Variants in ZNF839 observed in about 807,000 individuals in gnomAD.
ZNF839 encodes renal carcinoma antigen NY-REN-50.
In ZNF839, 38 loss-of-function variants were observed where a neutral mutation model predicts 56.4. The observed-to-expected ratio is 0.67, with a 90% confidence interval of 0.52 to 0.88. The LOEUF is 0.88. Among genes scored for constraint, ZNF839 ranks in the 40% least tolerant of loss-of-function variants. ZNF839 has a pLI of 0.00. For missense variants in ZNF839, 1,091 were observed against 1,177.6 expected, an observed-to-expected ratio of 0.93 and a Z score of 1.08; for synonymous variants, 486 against 493.5, an observed-to-expected ratio of 0.98 and a Z score of 0.20.
chr14:102,336,577 G>T (rs1885741140), intron 5 of ZNF839: 7 of 417,664 alleles, frequency 1.7e-5, no homozygotes, highest in South Asian at 1.2e-4. Flanking sequence ...TTACAGGTGT[G>T]AGCCACCACA....
Position 102,326,055 on chromosome 14 carries a change from C to T in ZNF839, c.359C>T (p.Pro120Leu), listed in dbSNP as rs773389820. 23 of 1,613,484 alleles carry T rather than the reference C, an allele frequency of 1.4e-5. No homozygotes were observed. In the Admixed American group the frequency reaches 1.5e-4, roughly 11 times the overall value. Reference sequence around the variant, plus strand: ...GGTCAGGAAAGGCCAATGCTCCTACCGACCACAATCCAGCCCCAAACTGCA... The same window carrying T: ...GGTCAGGAAAGGCCAATGCTCCTACTGACCACAATCCAGCCCCAAACTGCA... Reference protein sequence around the residue: ...TKGQERPMLLPTTIQPQTARK... With the variant: ...TKGQERPMLLLTTIQPQTARK... The change falls in exon 2 of 8, where the codon CCG (proline) becomes CTG (leucine). Residue 120 changes from proline (P) to leucine (L), a missense_variant. By Grantham distance (98) the Pro-to-Leu change is moderately conservative. This residue lies in a region of ZNF839 where 614 missense variants were observed against 629.2 expected (regional missense o/e 0.98). Coordinates refer to ENST00000442396, the MANE Select transcript of ZNF839 (RefSeq NM_018335.6). This position sits in a 1 kb window ranked among gnomAD's most constrained non-coding sequence, Gnocchi z 4.3.
At chr14:102,339,895 A>C (rs1318601389) in intron 7 of ZNF839, among the ~76,000 whole-genome samples, 1 of 152,202 alleles carries the variant, frequency 6.6e-6, no homozygotes, top group Non-Finnish European at 1.5e-5. Flanking sequence ...GAGATTTAAC[A>C]TTTGAAAACA....
At chr14:102,319,720 A>G (rs1225743485), upstream of ZNF839, 6 of 1,224,896 alleles carry the variant, frequency 4.9e-6, no homozygotes, top group Non-Finnish European at 6.1e-6. This position sits in a 1 kb window ranked among gnomAD's most constrained non-coding sequence, Gnocchi z 4.5. Flanking sequence ...TACATTGGAG[A>G]CGCCGTCGCT....
chr14:102,334,717 A>C, intron 4 of ZNF839, 71 bp downstream of exon 4: 3 of 812,092 alleles, frequency 3.7e-6, no homozygotes, highest in Non-Finnish European at 5.3e-6. Context: ...ATTATTATTT[A>C]TTAATTATTT....
chr14:102,320,963 C>T (rs931655130), intron 1 of ZNF839, among the ~76,000 whole-genome samples: 1 of 152,232 alleles, frequency 6.6e-6, no homozygotes, highest in African/African-American at 2.4e-5. Flanking sequence ...GCTTTTTCCA[C>T]TAGAAGAAAC....
rs753194427 is a variant in ZNF839, at chr14:102,326,077, T to C, written c.381T>C (p.Thr127=). The C allele has an allele frequency of 6.2e-7, 1 of 1,613,688 alleles. No homozygotes were observed. The highest frequency in any genetic ancestry group is 1.3e-5 in the African/African-American group (1 of 74,896). The part of the protein sequence containing the change: ...MLLPTTIQPQ[T]ARKSQLPRGN... ...TACCGACCACAATCCAGCCCCAAAC[T>C]GCAAGAAAGAGCCAGCTGCCCCGGG... is the stretch of plus-strand genomic sequence containing the variant. Residue 127 remains threonine (T), a synonymous_variant, in exon 2 of 8, where the codon ACT becomes ACC. Coordinates refer to ENST00000442396, the MANE Select transcript of ZNF839 (RefSeq NM_018335.6). The surrounding 1 kb of genome is among the most constrained non-coding windows in gnomAD (Gnocchi z 4.3).
At position 102,341,495 on chromosome 14, in the gene ZNF839, C is replaced by A; in HGVS notation, c.2100C>A (p.Val700=). The change falls in exon 8 of 8, where the codon GTC becomes GTA. Residue 700 remains valine, a synonymous_variant. Coordinates refer to ENST00000442396, the MANE Select transcript of ZNF839 (RefSeq NM_018335.6). ...GTGCTGCTCTCTCATCCCGGGATGTCAGTGGGCTGCCTGTTTATGCTCAGT... is the reference window on the plus strand; with the variant it reads ...GTGCTGCTCTCTCATCCCGGGATGTAAGTGGGCTGCCTGTTTATGCTCAGT... ...SIGAALSSRD[V]SGLPVYAQSG... The A allele has an allele frequency of 6.3e-7, 1 of 1,598,162 alleles. No individual in the cohort carries two copies. The highest frequency in any genetic ancestry group is 8.5e-7 in the Non-Finnish European group (1 of 1,170,714).
Position 102,319,936 on chromosome 14 carries a change from G to GCCC in ZNF839, c.175_177dup (p.Pro59dup). ...CGAAGGCGCAGCCGCCGCCGCCGCC[G>GCCC]CCCCCCTTCGTGCTGCGGGACGCGG... On this transcript the variant is annotated inframe_insertion, in exon 1 of 8. Coordinates refer to ENST00000442396, the MANE Select transcript of ZNF839 (RefSeq NM_018335.6). This position sits in a 1 kb window ranked among gnomAD's most constrained non-coding sequence, Gnocchi z 4.5. 8.3e-7 allele frequency: 1 copy of GCCC among 1,204,996 alleles called. No individual in the cohort carries two copies. The highest frequency in any genetic ancestry group is 1.0e-6 in the Non-Finnish European group (1 of 967,102). 74.6% of individuals were successfully genotyped at this position (1,204,996 alleles called of 1,614,324 possible). A position where few individuals can be genotyped will look rare whatever the true frequency, so the allele number is the denominator to read the frequency against.
chr14:102,320,149 C>T (rs1409883499), intron 1 of ZNF839, 96 bp downstream of exon 1: 25 of 1,046,022 alleles, frequency 2.4e-5, no homozygotes, highest in Non-Finnish European at 2.5e-5. Context: ...CAGTATCCGC[C>T]CGGGTTAAGA....
Position 102,331,735 on chromosome 14 carries a change from T to A in ZNF839, c.1305T>A (p.Leu435=). ...GPRRRACSET[L]AESRTAVLQQ... ...GAAGACGCGCATGCTCAGAGACCCT[T>A]GCAGAGTCCCGCACAGCTGTCCTCC... The change falls in exon 3 of 8, where the codon CTT becomes CTA. Residue 435 remains leucine (L), a synonymous_variant. Transcript: ENST00000442396. The A allele has an allele frequency of 6.2e-7, 1 of 1,606,580 alleles. No homozygotes were observed. Among genetic ancestry groups the A allele is most frequent in the Non-Finnish European group, 8.5e-7 (1 of 1,176,530 alleles).
upstream of ZNF839, chr14:102,319,470 A>G (rs2139435824): frequency 7.4e-6 from 2 of 270,152 alleles, no homozygotes; most frequent in East Asian, 6.3e-5. The surrounding 1 kb of genome is among the most constrained non-coding windows in gnomAD (Gnocchi z 4.5). Flanking sequence ...AGGGGCTCTG[A>G]AACCCCGAAG....
Position 102,339,343 on chromosome 14 carries a change from C to A in ZNF839, c.1927+120C>A, listed in dbSNP as rs549060090. The A allele has an allele frequency of 3.7e-4, 499 of 1,349,710 alleles. 9 individuals carry two copies. In the South Asian group the frequency reaches 7.1e-3, roughly 19 times the overall value. 83.6% of individuals were successfully genotyped at this position (1,349,710 alleles called of 1,614,324 possible). A position where few individuals can be genotyped will look rare whatever the true frequency, so the allele number is the denominator to read the frequency against. Reference sequence around the variant, plus strand: ...GTGACCTGTGCTGGATTTAAGGGGACCCTCTGGTTTCTCAAGTTTCATTCC... The same window carrying A: ...GTGACCTGTGCTGGATTTAAGGGGAACCTCTGGTTTCTCAAGTTTCATTCC... On this transcript the variant is annotated intron_variant, in intron 7 of 7. Coordinates refer to ENST00000442396, the MANE Select transcript of ZNF839 (RefSeq NM_018335.6).
At position 102,341,968 on chromosome 14, in the gene ZNF839, G is replaced by A; in HGVS notation, c.2573G>A (p.Arg858Lys). 1 of 1,614,056 alleles carries A rather than the reference G, an allele frequency of 6.2e-7. No individual in the cohort carries two copies. The highest frequency in any genetic ancestry group is 1.3e-5 in the African/African-American group (1 of 75,062). ...PCGMEVHSGQ[R>K]ELESVVAVGE... is the part of the protein sequence containing the mutation. Reference sequence around the variant, plus strand: ...GGGATGGAGGTGCACTCTGGCCAGAGAGAACTGGAGAGCGTGGTTGCTGTC... The same window carrying A: ...GGGATGGAGGTGCACTCTGGCCAGAAAGAACTGGAGAGCGTGGTTGCTGTC... Residue 858 changes from arginine to lysine, a missense_variant, in exon 8 of 8, where the codon AGA becomes AAA. By Grantham distance (26) the Arg-to-Lys change is conservative (BLOSUM62 2). This residue lies in a region of ZNF839 where 431 missense variants were observed against 468.0 expected (regional missense o/e 0.92). Transcript: ENST00000442396.
Position 102,319,954 on chromosome 14 carries a change from G to A in ZNF839, c.189G>A (p.Arg63=). 1 of 1,164,612 alleles carries A rather than the reference G, an allele frequency of 8.6e-7. No homozygotes were observed. The highest frequency in any genetic ancestry group is 4.8e-5 in the Admixed American group (1 of 20,872). 72.1% of individuals were successfully genotyped at this position (1,164,612 alleles called of 1,614,324 possible). Reference sequence around the variant, plus strand: ...CGCCGCCGCCCCCCTTCGTGCTGCGGGACGCGGCGCGGCGGCTGCGGGACG... The same window carrying A: ...CGCCGCCGCCCCCCTTCGTGCTGCGAGACGCGGCGCGGCGGCTGCGGGACG... ...PPPPPPPFVL[R]DAARRLRDAA... is the part of the protein sequence containing the mutation. The change falls in exon 1 of 8, where the codon CGG becomes CGA. Residue 63 remains arginine, a synonymous_variant. Transcript: ENST00000442396. The surrounding 1 kb of genome is among the most constrained non-coding windows in gnomAD (Gnocchi z 4.5).
chr14:102,336,666 A>T (rs1362936513), intron 5 of ZNF839: 1 of 433,106 alleles, frequency 2.3e-6, no homozygotes, highest in African/African-American at 2.1e-5. Flanking sequence ...GCTAGAAGAA[A>T]ATGGAAAACA....
chr14:102,326,025 C>T lies in ZNF839; in HGVS notation c.329C>T (p.Thr110Ile). ...TGTGTCAAGGTAACGTCTGGAGAAA[C>T]AAAAGGTCAGGAAAGGCCAATGCTC... The part of the protein sequence containing the change: ...AICVKVTSGE[T>I]KGQERPMLLP... Residue 110 changes from threonine to isoleucine, a missense_variant, in exon 2 of 8, where the codon ACA becomes ATA. By Grantham distance (89) the Thr-to-Ile change is moderately conservative. Transcript: ENST00000442396. The surrounding 1 kb of genome is among the most constrained non-coding windows in gnomAD (Gnocchi z 4.3). The T allele has an allele frequency of 3.1e-6, 5 of 1,613,318 alleles. No homozygotes were observed. Among genetic ancestry groups the T allele is most frequent in the Non-Finnish European group, 4.2e-6 (5 of 1,179,626 alleles).
chr14:102,339,614 G>A (rs929229648), intron 7 of ZNF839, among the ~76,000 whole-genome samples: 6 of 152,150 alleles, frequency 3.9e-5, no homozygotes, highest in Non-Finnish European at 8.8e-5. Context: ...TGGGTGTGGT[G>A]GCGTGTGCCT....
At position 102,328,167 on chromosome 14, in the gene ZNF839, C is replaced by T. The variant is rs901565131; in HGVS notation, c.1191+1280C>T. ...GTGACGAGTTCGAGACCAGCCTGGC[C>T]AACATGGTGAAACCCCATCTCTATT... On this transcript the variant is annotated intron_variant, in intron 2 of 7. Coordinates refer to ENST00000442396, the MANE Select transcript of ZNF839 (RefSeq NM_018335.6). Among the ~76,000 whole-genome samples the T allele has an allele frequency of 4.0e-5, 6 of 151,086 alleles. No homozygotes were observed. In the Admixed American group the frequency reaches 4.0e-4, roughly 10 times the overall value.
Position 102,341,420 on chromosome 14 carries a change from C to T in ZNF839, c.2025C>T (p.Gly675=). ...GCAATGGGAGCGTGTTCCAGGCGGG[C>T]CCGCAGCTTCAGGCACTGGCTAACT... ...SGGNGSVFQA[G]PQLQALANLE... Residue 675 remains glycine (G), a synonymous_variant, in exon 8 of 8, where the codon GGC becomes GGT. Coordinates refer to ENST00000442396, the MANE Select transcript of ZNF839 (RefSeq NM_018335.6). 1 of 1,588,418 alleles carries T rather than the reference C, an allele frequency of 6.3e-7. No individual in the cohort carries two copies. Among genetic ancestry groups the T allele is most frequent in the Non-Finnish European group, 8.6e-7 (1 of 1,166,982 alleles).
Sources: allele counts gnomAD v4.1 joint callset (sites outside exome capture counted in the v4.1 genomes callset), GRCh38; gene constraint gnomAD v4.1.1; regional missense constraint gnomAD v4.1.1; non-coding constraint Gnocchi (gnomAD v3.1); transcripts MANE v1.5; gene names NCBI Gene and HGNC (gene_info 2026-07-23, HGNC 2026-07-21).